SMPD3: variants seen among roughly 807,000 people sequenced by gnomAD.
SMPD3 encodes the protein sphingomyelin phosphodiesterase 3.
A neutral mutation model predicts 55.7 loss-of-function variants in SMPD3; 21 were observed. That is an observed-to-expected ratio of 0.38 (90% CI 0.27 to 0.54). The LOEUF is 0.54. Ranked by LOEUF, SMPD3 falls within the 20% of genes least tolerant of loss-of-function variation. SMPD3 has a pLI of 0.80. For synonymous variants in SMPD3, 457 were observed against 404.3 expected (o/e 1.13, Z -1.56); for missense variants, 842 against 899.6 (o/e 0.94, Z 0.82).
chr16:68,438,283 G>A (rs964780448), intron 1 of SMPD3, among the ~76,000 whole-genome samples: 4 of 152,214 alleles, frequency 2.6e-5, no homozygotes, highest in African/African-American at 9.7e-5. Flanking sequence ...CCTTGTGGCA[G>A]ACCTGCTACC....
intron 2 of SMPD3, among the ~76,000 whole-genome samples, chr16:68,382,820 GTTTT>G (rs891097082): frequency 5.9e-5 from 9 of 152,204 alleles, no homozygotes; most frequent in African/African-American, 2.2e-4. Context: ...CCCCCAGTTA[GTTTT>G]TTTGTTTGTT....
rs1275814354 is a variant in SMPD3, at chr16:68,404,246, A to G, written c.-268-17587T>C. 6.8e-6 allele frequency among the ~76,000 whole-genome samples: 1 copy of G among 147,162 alleles called. No individual in the cohort carries two copies. Among genetic ancestry groups the G allele is most frequent in the African/African-American group, 2.5e-5 (1 of 39,388 alleles). On this transcript the variant is annotated intron_variant, in intron 1 of 8. Coordinates refer to ENST00000219334, the MANE Select transcript of SMPD3 (RefSeq NM_018667.4). This position sits in a 1 kb window ranked among gnomAD's most constrained non-coding sequence, Gnocchi z 4.0. ...GTTGCCCAGGCTGGACATTACAGGC[A>G]TGTGCTACCATGCCTGGCTAATTTT...
intron 2 of SMPD3, among the ~76,000 whole-genome samples, chr16:68,376,232 G>A (rs757645959): frequency 2.0e-5 from 3 of 152,252 alleles, no homozygotes; most frequent in Admixed American, 2.0e-4. Flanking sequence ...CCTCAGAGAG[G>A]TGGCCAAGGC....
At chr16:68,390,166 C>CG (rs2090098349) in intron 1 of SMPD3, among the ~76,000 whole-genome samples, 1 of 152,180 alleles carries the variant, frequency 6.6e-6, no homozygotes, top group Non-Finnish European at 1.5e-5. Flanking sequence ...TAAACTGTCA[C>CG]GGCGCTGGTG....
At chr16:68,388,381 C>T (rs1254518680) in intron 1 of SMPD3, among the ~76,000 whole-genome samples, 3 of 152,212 alleles carry the variant, frequency 2.0e-5, no homozygotes, top group Non-Finnish European at 4.4e-5. Context: ...TGACAACCTG[C>T]ATGCACCTCT....
At position 68,371,630 on chromosome 16, in the gene SMPD3, G is replaced by A; in HGVS notation, c.552C>T (p.Phe184=). ...PTNTSISAAS[F]SSLVSPQGGD... ...CGCCCTGTGGTGACACCAGGCTGCT[G>A]AAGCTAGCGGCGCTGATGGAGGTAT... Residue 184 remains phenylalanine, a synonymous_variant, in exon 3 of 9, where the codon TTC becomes TTT. Transcript: ENST00000219334. 6.4e-7 allele frequency: 1 copy of A among 1,563,964 alleles called. No homozygotes were observed. The highest frequency in any genetic ancestry group is 8.6e-7 in the Non-Finnish European group (1 of 1,156,364).
chr16:68,382,534 G>A (rs1223857410), intron 2 of SMPD3, among the ~76,000 whole-genome samples: 1 of 152,242 alleles, frequency 6.6e-6, no homozygotes, highest in African/African-American at 2.4e-5. Context: ...AGGGTGGGGT[G>A]TCCCCGAGGG....
intron 1 of SMPD3, among the ~76,000 whole-genome samples, chr16:68,410,074 C>T (rs999900668): frequency 2.0e-5 from 3 of 152,230 alleles, no homozygotes; most frequent in African/African-American, 4.8e-5. Context: ...CTGCCTGTCC[C>T]GAGGGCTGTA....
intron 1 of SMPD3, among the ~76,000 whole-genome samples, chr16:68,394,613 C>T (rs2090139307): frequency 6.6e-6 from 1 of 152,240 alleles, no homozygotes; most frequent in Non-Finnish European, 1.5e-5. Context: ...TTGTAGCTGT[C>T]TGCTTTCCTT....
chr16:68,420,335 T>A lies in SMPD3; in HGVS notation c.-269+28018A>T, dbSNP rs546757898. Among the ~76,000 whole-genome samples, 141 of 152,368 alleles carry A rather than the reference T, an allele frequency of 9.3e-4. 1 individual carries two copies. The highest frequency in any genetic ancestry group is 1.7e-3 in the Non-Finnish European group (113 of 68,040). ...CCTATAAGGAAAAAGGTACAATTGTTATTGTCCCACTTTGCAGATGAGGAA... is the reference window on the plus strand; with the variant it reads ...CCTATAAGGAAAAAGGTACAATTGTAATTGTCCCACTTTGCAGATGAGGAA... On this transcript the variant is annotated intron_variant, in intron 1 of 8. Coordinates refer to ENST00000219334, the MANE Select transcript of SMPD3 (RefSeq NM_018667.4).
At position 68,371,693 on chromosome 16, in the gene SMPD3, G is replaced by A. The variant is rs1474955280; in HGVS notation, c.489C>T (p.Ala163=). 3 of 1,578,162 alleles carry A rather than the reference G, an allele frequency of 1.9e-6. No homozygotes were observed. Among genetic ancestry groups the A allele is most frequent in the Non-Finnish European group, 2.6e-6 (3 of 1,161,786 alleles). ...EIGQRIRNGA[A]RPQIKIYIDS... ...CGATGTAAATTTTGATCTGGGGCCG[G>A]GCGGCCCCATTGCGGATTCTCTGCC... The change falls in exon 3 of 9, where the codon GCC becomes GCT. Residue 163 remains alanine (A), a synonymous_variant. Transcript: ENST00000219334.
chr16:68,411,679 G>A (rs1316993253), intron 1 of SMPD3, among the ~76,000 whole-genome samples: 2 of 152,236 alleles, frequency 1.3e-5, no homozygotes, highest in Non-Finnish European at 2.9e-5. Flanking sequence ...CATCCTTGTA[G>A]AACAAGCTGG....
Position 68,371,053 on chromosome 16 carries a change from G to C in SMPD3, c.1129C>G (p.Gln377Glu), listed in dbSNP as rs1243167144. 5.0e-6 allele frequency: 8 copies of C among 1,614,226 alleles called. No individual in the cohort carries two copies. The highest frequency in any genetic ancestry group is 4.0e-5 in the African/African-American group (3 of 75,074). The change falls in exon 3 of 9, where the codon CAG (glutamine) becomes GAG (glutamate). Residue 377 changes from glutamine (Q) to glutamate (E), a missense_variant. Transcript: ENST00000219334. Reference protein sequence around the residue: ...DKRAATKLKEQLHGYFEYILY... With the variant: ...DKRAATKLKEELHGYFEYILY... ...ATGTACTCGAAGTAGCCGTGCAGCT[G>C]CTCTTTCAATTTGGTGGCTGCTCGC...
chr16:68,364,405 A>G, intron 5 of SMPD3: 1 of 269,034 alleles, frequency 3.7e-6, no homozygotes, highest in Non-Finnish European at 7.0e-6. Flanking sequence ...TAAGACACTT[A>G]AGTGAAACAG....
chr16:68,364,458 G>T, intron 5 of SMPD3: 2 of 371,700 alleles, frequency 5.4e-6, no homozygotes, highest in Non-Finnish European at 4.8e-6. Context: ...GCGGCGCCCC[G>T]TTGATGGGTG....
chr16:68,364,889 A>G lies in SMPD3; in HGVS notation c.1417T>C (p.Cys473Arg), dbSNP rs2089428685. 6.2e-7 allele frequency: 1 copy of G among 1,613,856 alleles called. No individual in the cohort carries two copies. Among genetic ancestry groups the G allele is most frequent in the Non-Finnish European group, 8.5e-7 (1 of 1,179,942 alleles). ...TCCTGAAGCAGGTCCAGCTGCCCACACCGGATGGCGCTGTCCTCTGCAGGG... is the reference window on the plus strand; with the variant it reads ...TCCTGAAGCAGGTCCAGCTGCCCACGCCGGATGGCGCTGTCCTCTGCAGGG... ...HAPQEDSAIR[C>R]GQLDLLQDWL... Residue 473 changes from cysteine to arginine, a missense_variant, in exon 5 of 9, where the codon TGT (cysteine) becomes CGT (arginine). This residue lies in a region of SMPD3 where 649 missense variants were observed against 643.6 expected (regional missense o/e 1.01). Transcript: ENST00000219334.
At chr16:68,393,415 A>G (rs555573418) in intron 1 of SMPD3, among the ~76,000 whole-genome samples, 4 of 152,186 alleles carry the variant, frequency 2.6e-5, no homozygotes, top group Non-Finnish European at 4.4e-5. Flanking sequence ...CAAAAACAAA[A>G]AAAACAAAAA....
At chr16:68,418,943 G>A (rs1263774794) in intron 1 of SMPD3, among the ~76,000 whole-genome samples, 1 of 152,190 alleles carries the variant, frequency 6.6e-6, no homozygotes, top group Non-Finnish European at 1.5e-5. Flanking sequence ...TCCTAGAGGG[G>A]AGAAAGGGAT....
chr16:68,419,401 G>A (rs1427207354), intron 1 of SMPD3, among the ~76,000 whole-genome samples: 1 of 152,212 alleles, frequency 6.6e-6, no homozygotes, highest in Non-Finnish European at 1.5e-5. Context: ...GGGAGAAACA[G>A]GTGATGGCTG....
Sources: allele counts gnomAD v4.1 joint callset (sites outside exome capture counted in the v4.1 genomes callset), GRCh38; gene constraint gnomAD v4.1.1; regional missense constraint gnomAD v4.1.1; non-coding constraint Gnocchi (gnomAD v3.1); transcripts MANE v1.5; gene names NCBI Gene and HGNC (gene_info 2026-07-23, HGNC 2026-07-21).